The following CLEC2A variants were observed in gnomAD, a reference collection of about 807,000 sequenced individuals.
CLEC2A encodes C-type lectin domain family 2 member A.
Under a neutral mutation model 18.6 loss-of-function variants are expected in CLEC2A, and 19 were observed. That is an observed-to-expected ratio of 1.02 (90% CI 0.71 to 1.50). CLEC2A has a LOEUF of 1.50. Among genes scored for constraint, CLEC2A ranks in the 40% most tolerant of loss-of-function variants. The probability of loss-of-function intolerance (pLI) is 0.00; values close to 1 mark genes in which losing one functional copy is unlikely to be tolerated. For synonymous variants in CLEC2A, 74 were observed against 64.0 expected, an observed-to-expected ratio of 1.16 and a Z score of -0.75; for missense variants, 190 against 207.9, an observed-to-expected ratio of 0.91 and a Z score of 0.53.
chr12:9,883,040 T>A, the CLEC2A span, among the ~76,000 whole-genome samples: 2 of 152,206 alleles, frequency 1.3e-5, no homozygotes, highest in Non-Finnish European at 2.9e-5. Context: ...ATTTAAATTA[T>A]GAATGAAGGA....
chr12:9,906,922 A>C (rs1444108176), intron 4 of CLEC2A, among the ~76,000 whole-genome samples: 1 of 152,196 alleles, frequency 6.6e-6, no homozygotes, highest in African/African-American at 2.4e-5. Flanking sequence ...TTAGTGTTAA[A>C]TCATTTCTTT....
intron 1 of CLEC2A, among the ~76,000 whole-genome samples, chr12:9,929,090 T>C (rs1202693302): frequency 6.6e-6 from 1 of 152,146 alleles, no homozygotes; most frequent in African/African-American, 2.4e-5. Context: ...ACAGAAATAG[T>C]ATTGATTTGT....
chr12:9,924,400 A>G (rs1274637700), intron 2 of CLEC2A, among the ~76,000 whole-genome samples: 1 of 152,216 alleles, frequency 6.6e-6, no homozygotes, highest in African/African-American at 2.4e-5. Flanking sequence ...AGTAGAGACT[A>G]TAAACAAGAA....
intron 4 of CLEC2A, among the ~76,000 whole-genome samples, chr12:9,915,131 G>A (rs1458718269): frequency 6.6e-6 from 1 of 151,924 alleles, no homozygotes; most frequent in East Asian, 1.9e-4. Context: ...TTAGAGAAAT[G>A]CAAATCAAAA....
At chr12:9,902,233 ATT>A (rs3994065) in intron 4 of CLEC2A, among the ~76,000 whole-genome samples, 15,704 of 132,328 alleles carry the variant, frequency 0.12, 1,037 homozygotes, top group South Asian at 0.36. Context: ...AAGGTTTGCC[ATT>A]TTTTTTTTTT....
downstream of CLEC2A, among the ~76,000 whole-genome samples, chr12:9,912,012 CACA>C (rs1347848431): frequency 2.6e-5 from 4 of 151,988 alleles, no homozygotes; most frequent in Non-Finnish European, 4.4e-5. Flanking sequence ...AATCCTTTTT[CACA>C]ACAAAAACTT....
chr12:9,923,784 T>C (rs1456177083), intron 2 of CLEC2A, among the ~76,000 whole-genome samples: 4 of 152,254 alleles, frequency 2.6e-5, no homozygotes, highest in Non-Finnish European at 4.4e-5. Flanking sequence ...TGTAGGGACA[T>C]GGATGAAGCT....
At chr12:9,888,572 T>C in the CLEC2A span, among the ~76,000 whole-genome samples, 1 of 152,112 alleles carries the variant, frequency 6.6e-6, no homozygotes, top group Admixed American at 6.5e-5. Flanking sequence ...TGGCGAAACG[T>C]AGTTAAATCT....
the CLEC2A span, chr12:9,888,669 C>G: frequency 1.1e-6 from 1 of 922,424 alleles, no homozygotes; most frequent in Non-Finnish European, 1.7e-6. Flanking sequence ...ACTTTATTCT[C>G]ATGTACCTAG....
At chr12:9,926,877 G>A (rs1306805759) in intron 1 of CLEC2A, among the ~76,000 whole-genome samples, 1 of 152,026 alleles carries the variant, frequency 6.6e-6, no homozygotes, top group Non-Finnish European at 1.5e-5. Flanking sequence ...ATTTATTTGT[G>A]GTAAGCAAAC....
downstream of CLEC2A, among the ~76,000 whole-genome samples, chr12:9,911,566 C>A (rs1466467286): frequency 6.6e-6 from 1 of 152,190 alleles, no homozygotes; most frequent in African/African-American, 2.4e-5. Flanking sequence ...CACCTATTTA[C>A]ATTTTAGTGA....
intron 1 of CLEC2A, among the ~76,000 whole-genome samples, chr12:9,931,606 C>G (rs763881326): frequency 1.3e-5 from 2 of 152,164 alleles, no homozygotes; most frequent in African/African-American, 2.4e-5. Flanking sequence ...CCCAATTGCC[C>G]TGGGAATTCA....
At chr12:9,881,361 A>G in the CLEC2A span, 2 of 425,054 alleles carry the variant, frequency 4.7e-6, no homozygotes, top group African/African-American at 2.0e-5. Flanking sequence ...AGCTACCTTT[A>G]CCTTGAAATT....
At chr12:9,878,403 G>T in the CLEC2A span, among the ~76,000 whole-genome samples, 3 of 152,106 alleles carry the variant, frequency 2.0e-5, no homozygotes, top group South Asian at 6.2e-4. Context: ...ATGCCATGAA[G>T]GAATAATGTC....
chr12:9,914,972 T>C (rs1863046602), intron 4 of CLEC2A, among the ~76,000 whole-genome samples: 2 of 151,978 alleles, frequency 1.3e-5, no homozygotes, highest in South Asian at 4.1e-4. Context: ...GTCAAAGGTC[T>C]AATATCCAGG....
intron 4 of CLEC2A, among the ~76,000 whole-genome samples, chr12:9,902,045 G>A (rs111720310): frequency 1.7e-3 from 256 of 151,938 alleles, no homozygotes; most frequent in African/African-American, 5.5e-3. Context: ...CCTTTATCCC[G>A]AGGCCAAAGT....
the CLEC2A span, among the ~76,000 whole-genome samples, chr12:9,891,396 TG>T: frequency 6.6e-5 from 10 of 152,202 alleles, no homozygotes; most frequent in Non-Finnish European, 2.9e-5. Context: ...GTCCACATCT[TG>T]CATCTTCTGG....
At position 9,926,336 on chromosome 12, in the gene CLEC2A, C is replaced by G. The variant is rs775801107; in HGVS notation, c.63G>C (p.Lys21Asn). The G allele has an allele frequency of 3.9e-6, 6 of 1,544,782 alleles. No homozygotes were observed. Among genetic ancestry groups the G allele is most frequent in the South Asian group, 3.6e-5 (3 of 83,918 alleles). The part of the protein sequence containing the change: ...ADGFIHRIVP[K>N]LIQNWKIGLM... ...GGCCAATCTTCCAGTTTTGTATCAACTTGGGAACTGCAAATTAAATCAACA... is the reference window on the plus strand; with the variant it reads ...GGCCAATCTTCCAGTTTTGTATCAAGTTGGGAACTGCAAATTAAATCAACA... The change falls in exon 2 of 5, where the codon AAG (lysine) becomes AAC (asparagine). Residue 21 changes from lysine to asparagine, a missense_variant. Physicochemically the swap from Lys to Asn is moderately conservative, Grantham distance 94 (BLOSUM62 0). Coordinates refer to ENST00000455827, the MANE Select transcript of CLEC2A (RefSeq NM_001130711.2).
At chr12:9,902,134 T>G (rs55898931) in intron 4 of CLEC2A, among the ~76,000 whole-genome samples, 14,873 of 152,184 alleles carry the variant, frequency 0.098, 936 homozygotes, top group Non-Finnish European at 0.13. Flanking sequence ...CTTGTAAATC[T>G]ATTTTCAGTA....
Sources: gnomAD v4.1 joint callset for allele counts (sites outside exome capture counted in the v4.1 genomes callset) on GRCh38, gnomAD v4.1.1 for gene constraint, MANE v1.5 for transcripts, NCBI Gene and HGNC (gene_info 2026-07-23, HGNC 2026-07-21) for gene names.